The following RNF217 variants were observed in gnomAD, a reference collection of about 807,000 sequenced individuals.
RNF217 encodes E3 ubiquitin-protein ligase RNF217.
Under a neutral mutation model 57.8 loss-of-function variants are expected in RNF217, and 31 were observed. The ratio of observed to expected loss-of-function variants is 0.54; its 90% confidence interval spans 0.40 to 0.72. The LOEUF (loss-of-function observed/expected upper bound fraction) is 0.72, where lower values mean the gene tolerates loss of function less well. Ranked by LOEUF, RNF217 falls within the 30% of genes least tolerant of loss-of-function variation. The pLI is 0.00. For missense variants in RNF217, 696 were observed against 708.3 expected (o/e 0.98, Z 0.20); for synonymous variants, 313 against 294.0 (o/e 1.06, Z -0.66).
Position 124,965,929 on chromosome 6 carries a change from T to C in RNF217, c.882+2503T>C, listed in dbSNP as rs1160424350. On this transcript the variant is annotated intron_variant, in intron 1 of 5. Transcript: ENST00000521654. Reference sequence around the variant, plus strand: ...TTTGTACAGGTCTGTATCTTTAGCATCTACAGCGTTGTCTGGTATATAACA... The same window carrying C: ...TTTGTACAGGTCTGTATCTTTAGCACCTACAGCGTTGTCTGGTATATAACA... 1.3e-5 allele frequency among the ~76,000 whole-genome samples: 2 copies of C among 152,240 alleles called. 1 individual carries two copies. The highest frequency in any genetic ancestry group is 1.3e-4 in the Admixed American group (2 of 15,286).
At chr6:125,052,284 T>TTGTATGTGTGTGTGTGTGTGTG (rs374838947) in intron 2 of RNF217, among the ~76,000 whole-genome samples, 2 of 143,136 alleles carry the variant, frequency 1.4e-5, no homozygotes, top group African/African-American at 5.1e-5. Flanking sequence ...GTCATGCGTT[T>TTGTATGTGTGTGTGTGTGTGTG]TGTGTGTGTG....
At chr6:125,070,009 T>C (rs1788078647) in intron 3 of RNF217, among the ~76,000 whole-genome samples, 1 of 152,074 alleles carries the variant, frequency 6.6e-6, no homozygotes, top group Non-Finnish European at 1.5e-5. Flanking sequence ...TTCCCACTCT[T>C]ACCTCCTATT....
intron 3 of RNF217, among the ~76,000 whole-genome samples, chr6:125,069,378 T>C (rs1476320483): frequency 1.3e-5 from 2 of 152,168 alleles, no homozygotes. Context: ...AGTAGTCTTT[T>C]ACACCTAGTC....
At chr6:125,042,700 A>T (rs1310826756) in intron 1 of RNF217, among the ~76,000 whole-genome samples, 1 of 152,112 alleles carries the variant, frequency 6.6e-6, no homozygotes, top group Non-Finnish European at 1.5e-5. Flanking sequence ...CTGCTGAAGG[A>T]GTATCAAGAC....
At chr6:125,021,290 G>C (rs990046404) in intron 1 of RNF217, among the ~76,000 whole-genome samples, 3 of 147,532 alleles carry the variant, frequency 2.0e-5, no homozygotes, top group Admixed American at 6.8e-5. Flanking sequence ...TTTTTGAGAC[G>C]GAGTCTTGGT....
At chr6:125,015,133 G>A (rs1391481589) in intron 1 of RNF217, among the ~76,000 whole-genome samples, 1 of 152,052 alleles carries the variant, frequency 6.6e-6, no homozygotes, top group Non-Finnish European at 1.5e-5. Flanking sequence ...ATGCTATCTG[G>A]TTTTTATCTG....
At chr6:125,025,717 A>G (rs1168128085) in intron 1 of RNF217, among the ~76,000 whole-genome samples, 1 of 136,862 alleles carries the variant, frequency 7.3e-6, no homozygotes, top group Admixed American at 7.3e-5. Context: ...TGAGTGGGGA[A>G]CAGAAAGTTG....
In RNF217 at chr6:125,000,648, A is replaced by G. The variant is rs185402801; in HGVS notation, c.882+37222A>G. Among the ~76,000 whole-genome samples the G allele has an allele frequency of 1.6e-4, 24 of 152,182 alleles. No homozygotes were observed. In the East Asian group the frequency reaches 4.2e-3, roughly 27 times the overall value. ...CATTTCAGATTTGTATGCATATTAG[A>G]GAAATAGAGACCCTAGAATATATTT... On this transcript the variant is annotated intron_variant, in intron 1 of 5. Transcript: ENST00000521654.
rs1189623373 is a variant in RNF217, at chr6:124,962,631, GC to G, written c.92del (p.Pro31ArgfsTer165). ...LASGTAGHPE[P>X]PRPQGDSARA... ...CCAGTGGCACTGCGGGCCACCCTGA[GC>G]CCCCGAGGCCTCAGGGGGACAGCGC... On this transcript the variant is annotated frameshift_variant, in exon 1 of 6. Coordinates refer to ENST00000521654, the MANE Select transcript of RNF217 (RefSeq NM_001286398.3). LOFTEE classifies it high-confidence loss of function. This position sits in a 1 kb window ranked among gnomAD's most constrained non-coding sequence, Gnocchi z 4.6. 7.6e-7 allele frequency: 1 copy of G among 1,319,254 alleles called. No homozygotes were observed. 81.7% of individuals were successfully genotyped at this position (1,319,254 alleles called of 1,614,324 possible).
At chr6:125,030,550 G>A (rs142169960) in intron 1 of RNF217, among the ~76,000 whole-genome samples, 80 of 152,294 alleles carry the variant, frequency 5.3e-4, no homozygotes, top group African/African-American at 1.7e-3. Context: ...GGTTTAGAGC[G>A]CCCATGCAAG....
At chr6:125,057,400 T>C (rs548466034) in intron 2 of RNF217, among the ~76,000 whole-genome samples, 1 of 152,302 alleles carries the variant, frequency 6.6e-6, no homozygotes, top group Admixed American at 6.5e-5. Flanking sequence ...CAGGCTGGGC[T>C]TTAACTCCTG....
chr6:124,981,496 A>G (rs1562450921), intron 1 of RNF217, among the ~76,000 whole-genome samples: 1 of 152,176 alleles, frequency 6.6e-6, no homozygotes, highest in East Asian at 1.9e-4. Flanking sequence ...CCATAGGTAG[A>G]TAAGAGACAA....
intron 1 of RNF217, among the ~76,000 whole-genome samples, chr6:125,011,955 G>T (rs1265435563): frequency 6.6e-6 from 1 of 151,866 alleles, no homozygotes; most frequent in Non-Finnish European, 1.5e-5. Context: ...GTCCCCACCA[G>T]GAGGGGCTGG....
intron 2 of RNF217, among the ~76,000 whole-genome samples, chr6:125,051,486 T>C (rs972742711): frequency 6.6e-6 from 1 of 152,052 alleles, no homozygotes; most frequent in East Asian, 1.9e-4. Context: ...TACTTAGATT[T>C]GTAAGAGAAT....
chr6:125,080,783 C>T (rs1562499701), intron 4 of RNF217, among the ~76,000 whole-genome samples: 1 of 152,054 alleles, frequency 6.6e-6, no homozygotes, highest in Non-Finnish European at 1.5e-5. Flanking sequence ...ACATCCTTAC[C>T]AGCACTTTGC....
chr6:125,010,797 G>T (rs1403335324), intron 1 of RNF217, among the ~76,000 whole-genome samples: 1 of 152,142 alleles, frequency 6.6e-6, no homozygotes, highest in Non-Finnish European at 1.5e-5. Flanking sequence ...TCTCCCTGAT[G>T]CTGCTGTGCC....
intron 2 of RNF217, chr6:125,048,107 A>G: frequency 1.1e-6 from 1 of 924,114 alleles, no homozygotes. Flanking sequence ...TTATGTTAAC[A>G]TTAACTACCT....
chr6:124,970,422 AAAGAGTC>A (rs376762246), intron 1 of RNF217, among the ~76,000 whole-genome samples: 4 of 152,320 alleles, frequency 2.6e-5, no homozygotes, highest in African/African-American at 9.6e-5. Flanking sequence ...GATGAGAGAA[AAAGAGTC>A]AAGCATGAGT....
chr6:125,073,469 A>G (rs1423075660), intron 3 of RNF217, among the ~76,000 whole-genome samples: 1 of 152,228 alleles, frequency 6.6e-6, no homozygotes, highest in Non-Finnish European at 1.5e-5. Context: ...TTCTCAAATT[A>G]AACAATCTAC....
Sources: gnomAD v4.1 joint callset for allele counts (sites outside exome capture counted in the v4.1 genomes callset) on GRCh38, gnomAD v4.1.1 for gene constraint, Gnocchi (gnomAD v3.1) non-coding constraint, MANE v1.5 for transcripts, NCBI Gene and HGNC (gene_info 2026-07-23, HGNC 2026-07-21) for gene names.